The following DCC variants were observed in gnomAD, a reference collection of about 807,000 sequenced individuals.
DCC encodes the protein DCC netrin 1 receptor, also known as netrin receptor DCC.
DCC carries 58 observed loss-of-function variants against 172.5 expected under a neutral mutation model. The ratio of observed to expected loss-of-function variants is 0.34; its 90% CI spans 0.27 to 0.42. DCC has a LOEUF of 0.42. DCC is among the 10% of genes least tolerant of loss of function. The probability of loss-of-function intolerance (pLI) is 1.00; values close to 1 mark genes in which losing one functional copy is unlikely to be tolerated. For missense variants in DCC, 1,740 were observed against 1,791.0 expected, an observed-to-expected ratio of 0.97 and a Z score of 0.51; for synonymous variants, 709 against 644.5, an observed-to-expected ratio of 1.10 and a Z score of -1.52.
intron 27 of DCC, among the ~76,000 whole-genome samples, chr18:53,525,778 A>G (rs2046448241): frequency 6.6e-6 from 1 of 152,124 alleles, no homozygotes; most frequent in Non-Finnish European, 1.5e-5. Flanking sequence ...GGCTTTCTCT[A>G]ATACCTTTTC....
At chr18:52,930,832 C>T (rs1298304151) in intron 5 of DCC, among the ~76,000 whole-genome samples, 2 of 151,938 alleles carry the variant, frequency 1.3e-5, no homozygotes, top group African/African-American at 4.8e-5. Context: ...CATATGGCAC[C>T]AAATCTTTTT....
intron 2 of DCC, among the ~76,000 whole-genome samples, chr18:52,774,770 G>A (rs980260685): frequency 3.9e-5 from 1 of 25,592 alleles, no homozygotes; most frequent in Non-Finnish European, 9.6e-5. Flanking sequence ...GTTAAGGAGA[G>A]GTGCCCCTGA....
chr18:53,066,353 G>GTATGTATATATATATATA (rs1202896480), intron 7 of DCC, among the ~76,000 whole-genome samples, 187 bp downstream of exon 7: 12 of 94,592 alleles, frequency 1.3e-4, no homozygotes, highest in Non-Finnish European at 2.5e-4. Flanking sequence ...GTACATGTGT[G>GTATGTATATATATATATA]TATATATATA....
At chr18:52,623,748 C>T (rs11663880) in intron 1 of DCC, among the ~76,000 whole-genome samples, 16,847 of 152,172 alleles carry the variant, frequency 0.11, 1,160 homozygotes, top group South Asian at 0.19. Flanking sequence ...CTGCATCTCC[C>T]CCTTTCAACT....
intron 1 of DCC, among the ~76,000 whole-genome samples, chr18:52,453,883 T>C (rs1046373366): frequency 2.0e-5 from 3 of 152,204 alleles, no homozygotes; most frequent in African/African-American, 7.2e-5. Flanking sequence ...GCATTGGTGC[T>C]TACAGAAATG....
chr18:52,496,298 A>G (rs1386366961), intron 1 of DCC, among the ~76,000 whole-genome samples: 3 of 152,194 alleles, frequency 2.0e-5, no homozygotes, highest in Non-Finnish European at 4.4e-5. Flanking sequence ...GAGTATGTAC[A>G]TCAATAAAAA....
chr18:52,461,159 T>C (rs1310399080), intron 1 of DCC, among the ~76,000 whole-genome samples: 1 of 152,194 alleles, frequency 6.6e-6, no homozygotes, highest in Non-Finnish European at 1.5e-5. Context: ...TTTTATTCCT[T>C]TATTTTCGTC....
At chr18:53,166,101 T>C (rs1309000355) in intron 8 of DCC, among the ~76,000 whole-genome samples, 2 of 152,066 alleles carry the variant, frequency 1.3e-5, no homozygotes, top group Non-Finnish European at 2.9e-5. Context: ...GAGAACTTTG[T>C]AGATATTTAG....
intron 2 of DCC, among the ~76,000 whole-genome samples, chr18:52,856,625 CAA>C (rs11426617): frequency 1.2e-5 from 1 of 83,006 alleles, no homozygotes; most frequent in Admixed American, 1.5e-4. Flanking sequence ...GACTCCATCT[CAA>C]AAAAAAAAAA....
At chr18:52,983,110 C>T (rs6508182) in intron 5 of DCC, among the ~76,000 whole-genome samples, 114,913 of 152,026 alleles carry the variant, frequency 0.76, 43,787 homozygotes, top group African/African-American at 0.83. Context: ...TATGGGAAAT[C>T]ACTAGAATCA....
intron 13 of DCC, among the ~76,000 whole-genome samples, chr18:53,309,964 GTATA>G (rs56355500): frequency 7.3e-6 from 1 of 137,344 alleles, no homozygotes; most frequent in African/African-American, 2.7e-5. Context: ...ATACGTGTGT[GTATA>G]TATATATATA....
intron 1 of DCC, among the ~76,000 whole-genome samples, chr18:52,627,730 G>C (rs1236886993): frequency 6.6e-6 from 1 of 152,224 alleles, no homozygotes; most frequent in Non-Finnish European, 1.5e-5. Flanking sequence ...AGTGAACAGA[G>C]GTGGTCTTCA....
At chr18:52,873,023 C>CA (rs1267001090) in intron 2 of DCC, among the ~76,000 whole-genome samples, 2 of 152,176 alleles carry the variant, frequency 1.3e-5, no homozygotes, top group Non-Finnish European at 2.9e-5. Context: ...ATCCTACTGA[C>CA]AGTCTATTTG....
intron 1 of DCC, 71 bp downstream of exon 1, chr18:52,340,949 C>T: frequency 3.3e-6 from 4 of 1,229,144 alleles, no homozygotes; most frequent in African/African-American, 1.5e-5. Flanking sequence ...TTTCATTTGG[C>T]GAGTAGTAGA....
intron 12 of DCC, among the ~76,000 whole-genome samples, chr18:53,259,610 G>A (rs1389693812): frequency 6.6e-6 from 1 of 152,150 alleles, no homozygotes; most frequent in Non-Finnish European, 1.5e-5. Flanking sequence ...CCCTTTGTGG[G>A]TAACCTGACC....
intron 27 of DCC, among the ~76,000 whole-genome samples, chr18:53,513,164 C>G (rs1003638378): frequency 2.1e-4 from 32 of 152,080 alleles, no homozygotes; most frequent in South Asian, 1.2e-3. Context: ...ATTCAACATT[C>G]TTAAAGAAAA....
chr18:53,170,650 C>T (rs1008735135), intron 8 of DCC, among the ~76,000 whole-genome samples: 5 of 152,160 alleles, frequency 3.3e-5, no homozygotes, highest in Non-Finnish European at 7.3e-5. Context: ...ATGGCAGAAT[C>T]CATATTAAGT....
intron 2 of DCC, among the ~76,000 whole-genome samples, chr18:52,813,556 G>A (rs993132069): frequency 7.9e-5 from 12 of 151,246 alleles, no homozygotes; most frequent in South Asian, 2.2e-4. Context: ...GTTATATGTC[G>A]GGAAGAAAAG....
intron 1 of DCC, among the ~76,000 whole-genome samples, chr18:52,417,833 C>T (rs1394299908): frequency 2.6e-5 from 4 of 152,152 alleles, no homozygotes; most frequent in Admixed American, 1.3e-4. Context: ...TCCTGTAGCT[C>T]GGAGTAGTTT....
Sources: gnomAD v4.1 joint callset for allele counts (sites outside exome capture counted in the v4.1 genomes callset) on GRCh38, gnomAD v4.1.1 for gene constraint, MANE v1.5 for transcripts, NCBI Gene and HGNC (gene_info 2026-07-23, HGNC 2026-07-21) for gene names.